Variants in CNTNAP2 observed in about 807,000 individuals in gnomAD.
CNTNAP2 encodes contactin associated protein 2.
A neutral mutation model predicts 155.2 loss-of-function variants in CNTNAP2; 98 were observed. The ratio of observed to expected loss-of-function variants is 0.63; its 90% CI spans 0.54 to 0.75. CNTNAP2 has a LOEUF of 0.75. CNTNAP2 is among the 30% of genes least tolerant of loss of function. The probability of loss-of-function intolerance (pLI) is 0.00; values close to 1 mark genes in which losing one functional copy is unlikely to be tolerated. For synonymous variants in CNTNAP2, 651 were observed against 631.2 expected (o/e 1.03, Z -0.47); for missense variants, 1,727 against 1,688.1 (o/e 1.02, Z -0.40).
intron 8 of CNTNAP2, among the ~76,000 whole-genome samples, chr7:147,226,476 G>A (rs1390132022): frequency 6.6e-6 from 1 of 151,882 alleles, no homozygotes; most frequent in African/African-American, 2.4e-5. Context: ...AATGTGGCAT[G>A]AACTCTTCCC....
At chr7:147,012,985 T>G (rs1798655125) in intron 3 of CNTNAP2, among the ~76,000 whole-genome samples, 1 of 152,052 alleles carries the variant, frequency 6.6e-6, no homozygotes, top group Admixed American at 6.6e-5. Context: ...AAAAATCAAA[T>G]TAATGGATCA....
In CNTNAP2 at chr7:148,331,122, G is replaced by GGGATGGGT. The variant is rs1247028507; in HGVS notation, c.3476-52520_3476-52513dup. Among the ~76,000 whole-genome samples, 451 of 147,992 alleles carry GGGATGGGT rather than the reference G, an allele frequency of 3.0e-3. 9 individuals carry two copies. Among genetic ancestry groups the GGGATGGGT allele is most frequent in the African/African-American group, 0.01 (405 of 39,574 alleles). Reference sequence around the variant, plus strand: ...GAATGGACAGATGGAGTCAATGGATGGGATGGGTGGATGGATGGATGGAGT... The same window carrying GGGATGGGT: ...GAATGGACAGATGGAGTCAATGGATGGGATGGGTGGATGGGTGGATGGATGGATGGAGT... On this transcript the variant is annotated intron_variant, in intron 21 of 23. Coordinates refer to ENST00000361727, the MANE Select transcript of CNTNAP2 (RefSeq NM_014141.6).
intron 15 of CNTNAP2, among the ~76,000 whole-genome samples, chr7:148,089,826 TA>T (rs1803802683): frequency 6.6e-6 from 1 of 151,722 alleles, no homozygotes; most frequent in Non-Finnish European, 1.5e-5. Flanking sequence ...CCTAAATAGC[TA>T]AAGCAATTTT....
At chr7:146,363,349 T>C (rs962916712) in intron 1 of CNTNAP2, among the ~76,000 whole-genome samples, 6 of 152,098 alleles carry the variant, frequency 3.9e-5, no homozygotes, top group Admixed American at 6.5e-5. Flanking sequence ...GTATTTCCAA[T>C]CTATTTACAT....
chr7:147,640,583 G>T (rs1295353073), intron 13 of CNTNAP2, among the ~76,000 whole-genome samples: 1 of 152,156 alleles, frequency 6.6e-6, no homozygotes, highest in Non-Finnish European at 1.5e-5. Flanking sequence ...CAATGTTGTA[G>T]GGAGCAGTTT....
intron 8 of CNTNAP2, among the ~76,000 whole-genome samples, chr7:147,246,110 C>CATATATATATAT (rs1804061653): frequency 3.3e-4 from 32 of 95,772 alleles, no homozygotes; most frequent in African/African-American, 1.6e-3. Context: ...TATATATACA[C>CATATATATATAT]ACATATATAT....
At chr7:146,755,083 A>T (rs1195587698) in intron 1 of CNTNAP2, among the ~76,000 whole-genome samples, 6 of 151,934 alleles carry the variant, frequency 3.9e-5, no homozygotes. Context: ...CTCTCCTGCA[A>T]TGGGATTGAT....
chr7:146,632,446 T>C (rs1394225833), intron 1 of CNTNAP2, among the ~76,000 whole-genome samples: 1 of 152,082 alleles, frequency 6.6e-6, no homozygotes, highest in Non-Finnish European at 1.5e-5. Context: ...TTTTAAAATA[T>C]CAGATTTTAA....
intron 15 of CNTNAP2, among the ~76,000 whole-genome samples, chr7:148,102,489 C>G (rs994851985): frequency 1.3e-5 from 2 of 152,156 alleles, no homozygotes; most frequent in Non-Finnish European, 2.9e-5. Flanking sequence ...GATATATACC[C>G]AGTAATGGGA....
chr7:146,729,319 G>A (rs947318941), intron 1 of CNTNAP2, among the ~76,000 whole-genome samples: 2 of 152,114 alleles, frequency 1.3e-5, no homozygotes, highest in African/African-American at 4.8e-5. Flanking sequence ...TTAAACAGGA[G>A]ATTCATATGA....
intron 12 of CNTNAP2, among the ~76,000 whole-genome samples, chr7:147,597,395 A>T (rs1057152770): frequency 3.9e-5 from 6 of 152,164 alleles, no homozygotes; most frequent in Non-Finnish European, 7.3e-5. Context: ...TTGTTTTGAC[A>T]CGGTCCATGT....
intron 1 of CNTNAP2, among the ~76,000 whole-genome samples, chr7:146,501,439 T>C (rs1037248982): frequency 9.2e-5 from 14 of 152,186 alleles, no homozygotes; most frequent in Non-Finnish European, 8.8e-5. Context: ...TGAGGCAGTT[T>C]TGTTATTTGT....
intron 13 of CNTNAP2, among the ~76,000 whole-genome samples, chr7:147,886,761 C>T (rs959230967): frequency 6.6e-6 from 1 of 152,104 alleles, no homozygotes; most frequent in African/African-American, 2.4e-5. Context: ...AGTTGAGACC[C>T]ACTGGCACAT....
At chr7:148,306,577 T>C (rs1243218700) in intron 21 of CNTNAP2, among the ~76,000 whole-genome samples, 1 of 152,180 alleles carries the variant, frequency 6.6e-6, no homozygotes, top group Non-Finnish European at 1.5e-5. Context: ...CACTTCTTTT[T>C]TTATGTTCTG....
At chr7:146,816,632 G>A (rs1336167959) in intron 2 of CNTNAP2, among the ~76,000 whole-genome samples, 1 of 152,158 alleles carries the variant, frequency 6.6e-6, no homozygotes, top group African/African-American at 2.4e-5. Flanking sequence ...GTAATAACAT[G>A]TCAGTTTGTT....
intron 13 of CNTNAP2, among the ~76,000 whole-genome samples, chr7:147,669,843 T>C (rs934018414): frequency 7.2e-5 from 11 of 152,174 alleles, no homozygotes; most frequent in Admixed American, 2.6e-4. Context: ...CTAATATTTA[T>C]TCGCTACCAT....
At chr7:147,686,848 G>A (rs1264153525) in intron 13 of CNTNAP2, among the ~76,000 whole-genome samples, 1 of 149,904 alleles carries the variant, frequency 6.7e-6, no homozygotes, top group African/African-American at 2.5e-5. Flanking sequence ...AGATAGAGAG[G>A]GATAGTGTAA....
At chr7:147,942,121 G>C (rs1276513406) in intron 14 of CNTNAP2, among the ~76,000 whole-genome samples, 4 of 152,152 alleles carry the variant, frequency 2.6e-5, no homozygotes, top group African/African-American at 9.7e-5. Context: ...TGTCCTTAGT[G>C]TTTGGCAGGG....
intron 21 of CNTNAP2, among the ~76,000 whole-genome samples, chr7:148,344,971 G>C (rs1191729403): frequency 6.6e-6 from 1 of 152,194 alleles, no homozygotes; most frequent in Non-Finnish European, 1.5e-5. Flanking sequence ...GGCGACTCTA[G>C]GGCTGCAACA....
Sources: gnomAD v4.1 joint callset for allele counts (sites outside exome capture counted in the v4.1 genomes callset) on GRCh38, gnomAD v4.1.1 for gene constraint, MANE v1.5 for transcripts, NCBI Gene and HGNC (gene_info 2026-07-23, HGNC 2026-07-21) for gene names.